Variants in ANXA10 observed in about 807,000 individuals in gnomAD.
The protein encoded by ANXA10 is annexin A10, also known as annexin 14.
A neutral mutation model predicts 53.5 loss-of-function variants in ANXA10; 49 were observed. The observed-to-expected ratio is 0.92, with a 90% confidence interval of 0.73 to 1.16. The LOEUF (loss-of-function observed/expected upper bound fraction) is 1.16, where lower values mean the gene tolerates loss of function less well. Among genes scored for constraint, ANXA10 ranks in the 50% most tolerant of loss-of-function variants. The pLI is 0.00. For missense variants in ANXA10, 393 were observed against 394.4 expected (o/e 1.00, Z 0.03); for synonymous variants, 131 against 128.9 (o/e 1.02, Z -0.11).
intron 6 of ANXA10, among the ~76,000 whole-genome samples, chr4:168,167,127 G>A (rs893324268): frequency 2.0e-5 from 3 of 152,214 alleles, no homozygotes; most frequent in Admixed American, 6.5e-5. Context: ...AAACGTTTCT[G>A]TGGCTACTGT....
intron 1 of ANXA10, among the ~76,000 whole-genome samples, chr4:168,112,852 C>A (rs1292761252): frequency 6.6e-6 from 1 of 152,046 alleles, no homozygotes; most frequent in East Asian, 1.9e-4. Context: ...GAAATCCTGT[C>A]TCTACTAAAA....
At chr4:168,164,741 G>C (rs968542242) in intron 5 of ANXA10, among the ~76,000 whole-genome samples, 2 of 152,090 alleles carry the variant, frequency 1.3e-5, no homozygotes, top group African/African-American at 4.8e-5. Context: ...AAGTAGAAAG[G>C]GTAACTATTT....
At chr4:168,150,812 G>A (rs150543569) in intron 3 of ANXA10, among the ~76,000 whole-genome samples, 151 of 152,208 alleles carry the variant, frequency 9.9e-4, no homozygotes, top group African/African-American at 3.2e-3. Flanking sequence ...ACCACTAAGC[G>A]GTCAGTGGTC....
chr4:168,159,960 T>C (rs549559795), intron 3 of ANXA10, among the ~76,000 whole-genome samples: 2 of 152,316 alleles, frequency 1.3e-5, no homozygotes, highest in Admixed American at 6.5e-5. Context: ...AAACTGAATA[T>C]GCTTTACACA....
At chr4:168,176,304 G>T (rs754979290) in intron 6 of ANXA10, among the ~76,000 whole-genome samples, 14 of 152,230 alleles carry the variant, frequency 9.2e-5, no homozygotes, top group East Asian at 1.9e-4. Context: ...TTTAATTTAT[G>T]ATCTTTTCTC....
intron 1 of ANXA10, among the ~76,000 whole-genome samples, chr4:168,099,875 C>T (rs1358078915): frequency 6.6e-6 from 1 of 152,080 alleles, no homozygotes; most frequent in Non-Finnish European, 1.5e-5. Flanking sequence ...TACCTCCTCT[C>T]AGAATCACTG....
Position 168,177,615 on chromosome 4 carries a change from C to A in ANXA10, c.481-125C>A, listed in dbSNP as rs184664047. 1,923 of 865,430 alleles carry A rather than the reference C, an allele frequency of 2.2e-3. 4 individuals are homozygous for A. Among genetic ancestry groups the A allele is most frequent in the Non-Finnish European group, 3.1e-3 (1,642 of 530,908 alleles). The allele number at this position is 865,430 out of a possible 1,614,324, so 53.6% of individuals were successfully genotyped here. A position where few individuals can be genotyped will look rare whatever the true frequency, so the allele number is the denominator to read the frequency against. On this transcript the variant is annotated intron_variant, in intron 6 of 11. Transcript: ENST00000359299. ...CATGAAATCAGGAAATGAACACTTA[C>A]TCCAGATAATAAAAGAAGTTCCTTA...
At chr4:168,106,577 C>T (rs537874386) in intron 1 of ANXA10, among the ~76,000 whole-genome samples, 4 of 152,164 alleles carry the variant, frequency 2.6e-5, no homozygotes, top group South Asian at 4.1e-4. Flanking sequence ...ACTTGCAAAA[C>T]GTCTACAACT....
At chr4:168,123,646 A>G (rs1731024853) in intron 1 of ANXA10, among the ~76,000 whole-genome samples, 1 of 152,180 alleles carries the variant, frequency 6.6e-6, no homozygotes, top group Non-Finnish European at 1.5e-5. Flanking sequence ...AGAGACCCCC[A>G]AATGTAGATG....
intron 3 of ANXA10, among the ~76,000 whole-genome samples, chr4:168,156,198 A>ATATT (rs1491176698): frequency 1.1e-3 from 13 of 12,018 alleles, no homozygotes; most frequent in South Asian, 3.5e-3. Context: ...TATTATATAT[A>ATATT]ATATATATTA....
chr4:168,165,076 A>T, intron 5 of ANXA10, 171 bp from the exon 6 acceptor site: 1 of 410,444 alleles, frequency 2.4e-6, no homozygotes, highest in East Asian at 3.7e-5. Context: ...TTATGTTACC[A>T]TTAGGTGACA....
intron 10 of ANXA10, among the ~76,000 whole-genome samples, chr4:168,183,797 T>C (rs1732307626): frequency 6.6e-6 from 1 of 152,232 alleles, no homozygotes; most frequent in African/African-American, 2.4e-5. Flanking sequence ...GTTTGAATAC[T>C]TGTTAGATCA....
intron 9 of ANXA10, among the ~76,000 whole-genome samples, chr4:168,180,984 A>G (rs1732228480): frequency 6.6e-6 from 1 of 152,190 alleles, no homozygotes; most frequent in Admixed American, 6.5e-5. Context: ...TCACAAATCT[A>G]TAAGTTACTA....
At chr4:168,139,288 G>A (rs894206744) in intron 2 of ANXA10, among the ~76,000 whole-genome samples, 198 bp from the exon 3 acceptor site, 29 of 152,034 alleles carry the variant, frequency 1.9e-4, no homozygotes, top group African/African-American at 6.8e-4. Flanking sequence ...TAAAGTAATG[G>A]CACTAAATTA....
intron 3 of ANXA10, among the ~76,000 whole-genome samples, chr4:168,149,276 T>G (rs1199724874): frequency 6.6e-6 from 1 of 152,178 alleles, no homozygotes; most frequent in Non-Finnish European, 1.5e-5. Context: ...CATTCACCCT[T>G]TCAAGTCTGT....
intron 1 of ANXA10, among the ~76,000 whole-genome samples, chr4:168,112,920 G>A (rs1388029259): frequency 6.6e-6 from 1 of 152,074 alleles, no homozygotes; most frequent in East Asian, 1.9e-4. Context: ...CAAGTCAGGA[G>A]TCTGAAGCAG....
At chr4:168,139,743 T>A (rs1197157828) in intron 3 of ANXA10, among the ~76,000 whole-genome samples, 163 bp downstream of exon 3, 1 of 152,164 alleles carries the variant, frequency 6.6e-6, no homozygotes, top group Non-Finnish European at 1.5e-5. Context: ...TTTCAAGGAA[T>A]AAAATCTATA....
intron 3 of ANXA10, among the ~76,000 whole-genome samples, chr4:168,156,417 T>G (rs1249793332): frequency 3.2e-4 from 39 of 123,056 alleles, no homozygotes; most frequent in Admixed American, 8.9e-4. Flanking sequence ...ATAGTATATA[T>G]TATATATACT....
intron 1 of ANXA10, among the ~76,000 whole-genome samples, chr4:168,101,754 C>A (rs779996523): frequency 2.0e-5 from 3 of 152,056 alleles, no homozygotes; most frequent in Non-Finnish European, 2.9e-5. Flanking sequence ...ACCCATTTAT[C>A]TGCACACATC....
Sources: gnomAD v4.1 joint callset for allele counts (sites outside exome capture counted in the v4.1 genomes callset) on GRCh38, gnomAD v4.1.1 for gene constraint, MANE v1.5 for transcripts, NCBI Gene and HGNC (gene_info 2026-07-23, HGNC 2026-07-21) for gene names.